HHLA2: variants seen among roughly 807,000 people sequenced by gnomAD.
HHLA2 encodes HERV-H LTR-associating protein 2.
A neutral mutation model predicts 45.9 loss-of-function variants in HHLA2; 48 were observed. The ratio of observed to expected loss-of-function variants is 1.05; its 90% confidence interval spans 0.83 to 1.33. HHLA2 has a LOEUF of 1.33. Among genes scored for constraint, HHLA2 ranks in the 40% most tolerant of loss-of-function variants. The pLI is 0.00. For missense variants in HHLA2, 462 were observed against 494.3 expected, an observed-to-expected ratio of 0.93 and a Z score of 0.62; for synonymous variants, 161 against 173.9, an observed-to-expected ratio of 0.93 and a Z score of 0.59.
At chr3:108,358,205 T>C (rs2081931815) in intron 7 of HHLA2, 44 bp downstream of exon 6, 2 of 1,410,682 alleles carry the variant, frequency 1.4e-6, no homozygotes, top group Admixed American at 4.3e-5. Flanking sequence ...GGCTGTAGCA[T>C]TAGAGGTTTG....
Position 108,362,343 on chromosome 3 carries a change from ACCGAG to A in HHLA2, c.1008_1012del (p.Ser337ArgfsTer6), listed in dbSNP as rs776267001. ...TTTGTTTCTCCTTTTTTTTTTTAGA[ACCGAG>A]CCAAGAAACAGCTTCCCATAACAAA... is the stretch of plus-strand genomic sequence containing the variant. On this transcript the variant is annotated frameshift_variant and splice_region_variant, in exon 8 of 11. Coordinates refer to ENST00000619531, the Ensembl canonical transcript of HHLA2. LOFTEE classifies it high-confidence loss of function. 198 of 1,604,236 alleles carry A rather than the reference ACCGAG, an allele frequency of 1.2e-4. No homozygotes were observed. In the African/African-American group the frequency reaches 2.4e-3, roughly 19 times the overall value.
intron 8 of HHLA2, among the ~76,000 whole-genome samples, chr3:108,373,583 C>T (rs1424649427): frequency 2.6e-5 from 4 of 152,222 alleles, no homozygotes; most frequent in South Asian, 2.1e-4. Flanking sequence ...AAAACCTCAT[C>T]GTCTCAGCCC....
intron 5 of HHLA2, 95 bp downstream of exon 4, chr3:108,353,875 A>G: frequency 6.0e-6 from 5 of 836,116 alleles, no homozygotes; most frequent in Non-Finnish European, 9.3e-6. Context: ...GCTTCCTTCC[A>G]AGTCAATACA....
At chr3:108,366,102 A>G (rs1432822937) in intron 8 of HHLA2, among the ~76,000 whole-genome samples, 1 of 152,182 alleles carries the variant, frequency 6.6e-6, no homozygotes, top group East Asian at 1.9e-4. Flanking sequence ...TCAGTATGAT[A>G]TTGGCTATGG....
At chr3:108,310,601 G>A (rs1377167253) in intron 1 of HHLA2, 54 bp from the exon 2 acceptor site, 1 of 152,604 alleles carries the variant, frequency 6.6e-6, no homozygotes, top group Non-Finnish European at 1.5e-5. Flanking sequence ...CACATTGGCA[G>A]TGAGAATAAA....
intron 8 of HHLA2, among the ~76,000 whole-genome samples, chr3:108,366,389 A>T (rs1212185997): frequency 6.6e-6 from 1 of 152,144 alleles, no homozygotes; most frequent in Non-Finnish European, 1.5e-5. Context: ...CCAGTATTTT[A>T]TTGAGGATTT....
intron 2 of HHLA2, among the ~76,000 whole-genome samples, chr3:108,321,102 A>AAAAAAAAAAAAAAAAAAAAAC: frequency 6.7e-6 from 1 of 150,138 alleles, no homozygotes; most frequent in Non-Finnish European, 1.5e-5. Context: ...AAAAAAAAAA[A>AAAAAAAAAAAAAAAAAAAAAC]AAAAAAAAAA....
intron 2 of HHLA2, among the ~76,000 whole-genome samples, chr3:108,324,749 A>G (rs1228060770): frequency 6.6e-6 from 1 of 152,104 alleles, no homozygotes; most frequent in Non-Finnish European, 1.5e-5. Flanking sequence ...TTTGTGTCTG[A>G]CTTACTCCGT....
rs145338037 is a variant in HHLA2 at position 108,297,158 on chromosome 3, T to C, written c.-192+559T>C. ...TCATTAAGTTTATGTCATTTTTTAATAACTAAAACAAGATTCAAAAAGTTA... is the reference window on the plus strand; with the variant it reads ...TCATTAAGTTTATGTCATTTTTTAACAACTAAAACAAGATTCAAAAAGTTA... On this transcript the variant is annotated intron_variant, in intron 1 of 10. Coordinates refer to ENST00000619531, the Ensembl canonical transcript of HHLA2. Among the ~76,000 whole-genome samples, 29 of 152,328 alleles carry C rather than the reference T, an allele frequency of 1.9e-4. No individual in the cohort carries two copies. In the East Asian group the frequency reaches 5.2e-3, roughly 27 times the overall value.
rs571897973 is a variant in HHLA2, at chr3:108,366,426, C to T, written c.1108+3980C>T. 1.6e-4 allele frequency among the ~76,000 whole-genome samples: 24 copies of T among 152,152 alleles called. No homozygotes were observed. In the East Asian group the frequency reaches 3.7e-3, roughly 23 times the overall value. ...CGCTTTGATGTTCATCAGGGATATT[C>T]GCCTGAAGTTTTCATTTTTTATTGT... On this transcript the variant is annotated intron_variant, in intron 8 of 10. Transcript: ENST00000619531.
chr3:108,322,221 T>C (rs1015993848), intron 2 of HHLA2, among the ~76,000 whole-genome samples: 12 of 152,192 alleles, frequency 7.9e-5, no homozygotes, highest in African/African-American at 2.7e-4. Flanking sequence ...CAGGCGGAAG[T>C]CACTGGAGGG....
In HHLA2 at chr3:108,347,595, T is replaced by A. The variant is rs576915599; in HGVS notation, c.-26-4193T>A. Among the ~76,000 whole-genome samples the A allele has an allele frequency of 4.7e-4, 72 of 152,200 alleles. 2 individuals carry two copies. The highest frequency in any genetic ancestry group is 1.1e-3 in the African/African-American group (44 of 41,512). On this transcript the variant is annotated intron_variant, in intron 3 of 10. Transcript: ENST00000619531. ...AATATTATAGAATGACTTCTTTTTT[T>A]AAAAAATATGACTCCTGACTGCTGT...
intron 3 of HHLA2, among the ~76,000 whole-genome samples, chr3:108,347,596 A>T (rs544808491): frequency 2.8e-4 from 42 of 152,186 alleles, no homozygotes; most frequent in African/African-American, 9.6e-4. Flanking sequence ...TTCTTTTTTT[A>T]AAAAATATGA....
chr3:108,298,957 G>A (rs1028969549), intron 1 of HHLA2, among the ~76,000 whole-genome samples: 4 of 152,110 alleles, frequency 2.6e-5, no homozygotes, highest in Non-Finnish European at 4.4e-5. Context: ...CTTCTCCATG[G>A]CTATCCAGGT....
At chr3:108,336,961 C>A (rs2081482030) in intron 3 of HHLA2, among the ~76,000 whole-genome samples, 1 of 143,524 alleles carries the variant, frequency 7.0e-6, no homozygotes, top group South Asian at 2.1e-4. Flanking sequence ...AAAATATTTT[C>A]TCTCCATATT....
chr3:108,367,759 T>C (rs2082088451), intron 8 of HHLA2, among the ~76,000 whole-genome samples: 1 of 151,948 alleles, frequency 6.6e-6, no homozygotes, highest in Admixed American at 6.6e-5. Context: ...ATGGGGAGAA[T>C]GGAACCCAGT....
chr3:108,355,426 TGG>T, intron 6 of HHLA2, 45 bp downstream of exon 5: 1 of 1,552,278 alleles, frequency 6.4e-7, no homozygotes, highest in Admixed American at 2.0e-5. Flanking sequence ...GTTTCAAAGT[TGG>T]GGGGTAATGG....
At chr3:108,354,632 A>G (rs2081850805) in intron 5 of HHLA2, among the ~76,000 whole-genome samples, 1 of 152,008 alleles carries the variant, frequency 6.6e-6, no homozygotes, top group African/African-American at 2.4e-5. Flanking sequence ...TACATGCAGT[A>G]TTTTCTAATG....
chr3:108,339,995 A>G (rs1384597183), intron 3 of HHLA2, among the ~76,000 whole-genome samples: 1 of 152,176 alleles, frequency 6.6e-6, no homozygotes, highest in Non-Finnish European at 1.5e-5. Context: ...TGTGGCCCCA[A>G]ATAAGACTTG....
Sources: allele counts gnomAD v4.1 joint callset (sites outside exome capture counted in the v4.1 genomes callset), GRCh38; gene constraint gnomAD v4.1.1; transcripts MANE v1.5; gene names NCBI Gene and HGNC (gene_info 2026-07-23, HGNC 2026-07-21).